RICTOR: variants seen among roughly 807,000 people sequenced by gnomAD.
RICTOR encodes the protein rapamycin-insensitive companion of mTOR.
Under a neutral mutation model 214.9 loss-of-function variants are expected in RICTOR, and 49 were observed. That is an observed-to-expected ratio of 0.23 (90% CI 0.18 to 0.29). RICTOR has a LOEUF of 0.29. Ranked by LOEUF, RICTOR falls within the 10% of genes least tolerant of loss-of-function variation. The probability of loss-of-function intolerance (pLI) is 1.00; values close to 1 mark genes in which losing one functional copy is unlikely to be tolerated. For missense variants in RICTOR, 1,625 were observed against 2,047.0 expected, an observed-to-expected ratio of 0.79 and a Z score of 3.98; for synonymous variants, 717 against 711.3, an observed-to-expected ratio of 1.01 and a Z score of -0.13.
chr5:39,004,435 T>C (rs549857922), intron 3 of RICTOR, among the ~76,000 whole-genome samples: 41 of 151,996 alleles, frequency 2.7e-4, no homozygotes, highest in African/African-American at 8.0e-4. Context: ...TTGACTCTTT[T>C]GAAAGTCATG....
At chr5:39,019,382 G>GA (rs1171777483) in intron 3 of RICTOR, among the ~76,000 whole-genome samples, 3 of 152,076 alleles carry the variant, frequency 2.0e-5, no homozygotes, top group African/African-American at 7.2e-5. Context: ...AGCTTCAAAA[G>GA]ACAGGCTGAC....
At chr5:39,006,152 T>C (rs1376894331) in intron 3 of RICTOR, among the ~76,000 whole-genome samples, 2 of 152,334 alleles carry the variant, frequency 1.3e-5, no homozygotes, top group East Asian at 1.9e-4. Context: ...CATCAGCAAG[T>C]GTCCCCTGGG....
chr5:38,965,063 T>A (rs571498171), intron 15 of RICTOR, among the ~76,000 whole-genome samples, 171 bp from the exon 16 acceptor site: 1 of 152,114 alleles, frequency 6.6e-6, no homozygotes, highest in Admixed American at 6.5e-5. Context: ...TTATCATATC[T>A]ATAATACTTT....
At chr5:39,006,483 C>G (rs1754062126) in intron 3 of RICTOR, among the ~76,000 whole-genome samples, 1 of 151,870 alleles carries the variant, frequency 6.6e-6, no homozygotes, top group African/African-American at 2.4e-5. Context: ...GAAGGGTCTC[C>G]AAAGTGCTAA....
intron 19 of RICTOR, among the ~76,000 whole-genome samples, chr5:38,961,026 A>G (rs1444744200): frequency 1.3e-5 from 2 of 152,128 alleles, no homozygotes; most frequent in East Asian, 3.8e-4. Flanking sequence ...TATTATCTGT[A>G]GAGGCAGTTA....
intron 2 of RICTOR, among the ~76,000 whole-genome samples, chr5:39,061,230 TCTA>T (rs1460134690): frequency 6.7e-6 from 1 of 148,300 alleles, no homozygotes; most frequent in Non-Finnish European, 1.5e-5. Context: ...CCTGATTACA[TCTA>T]CTACTTTTTA....
chr5:39,063,103 ACTCC>A (rs1281915053), intron 2 of RICTOR, among the ~76,000 whole-genome samples: 3 of 152,038 alleles, frequency 2.0e-5, no homozygotes, highest in Non-Finnish European at 4.4e-5. Context: ...GAACATGCAC[ACTCC>A]CTCCATTAAA....
chr5:38,957,697 C>G lies in RICTOR; in HGVS notation c.2454G>C (p.Leu818=). 6.3e-7 allele frequency: 1 copy of G among 1,592,962 alleles called. No homozygotes were observed. The highest frequency in any genetic ancestry group is 1.1e-5 in the South Asian group (1 of 88,226). ...GTTTTGCTACATAACCTCTTTCATT[C>G]AGATAGGAAAATCCTTTTGGAATGG... is the stretch of plus-strand genomic sequence containing the variant. ...FLSIPKGFSY[L]NERGYVAKQL... Residue 818 remains leucine, a synonymous_variant, in exon 25 of 38, where the codon CTG becomes CTC. Transcript: ENST00000357387.
intron 14 of RICTOR, 138 bp from the exon 15 acceptor site, chr5:38,966,859 G>C (rs926090215): frequency 2.7e-5 from 16 of 593,642 alleles, no homozygotes; most frequent in Non-Finnish European, 4.7e-5. Flanking sequence ...GGAATGCAAC[G>C]GCAAGATCTC....
intron 2 of RICTOR, among the ~76,000 whole-genome samples, chr5:39,057,609 G>A (rs966099973): frequency 6.6e-6 from 1 of 151,976 alleles, no homozygotes; most frequent in African/African-American, 2.4e-5. Context: ...TACATTTACT[G>A]CATTATATCA....
chr5:39,010,133 T>A (rs554555175), intron 3 of RICTOR, among the ~76,000 whole-genome samples: 3 of 152,306 alleles, frequency 2.0e-5, no homozygotes, highest in African/African-American at 7.2e-5. Flanking sequence ...GTTCCATCTA[T>A]GACCATATCA....
chr5:39,059,526 G>A (rs1402648248), intron 2 of RICTOR, among the ~76,000 whole-genome samples: 1 of 152,004 alleles, frequency 6.6e-6, no homozygotes, highest in Non-Finnish European at 1.5e-5. Context: ...TTTCAATAAA[G>A]GAAAGTTTTT....
At chr5:39,005,616 T>C (rs1327560744) in intron 3 of RICTOR, among the ~76,000 whole-genome samples, 1 of 152,234 alleles carries the variant, frequency 6.6e-6, no homozygotes, top group African/African-American at 2.4e-5. Flanking sequence ...ACCTGAATGA[T>C]GTGGATCATC....
chr5:38,970,832 C>T (rs1410142378), intron 11 of RICTOR: 1 of 152,018 alleles, frequency 6.6e-6, no homozygotes, highest in Non-Finnish European at 1.5e-5. Context: ...AAACCACCAT[C>T]GTTAAAATAA....
chr5:38,947,394 A>C lies in RICTOR; in HGVS notation c.4184T>G (p.Leu1395Trp). Residue 1395 changes from leucine to tryptophan, a missense_variant, in exon 32 of 38, where the codon TTG (leucine) becomes TGG (tryptophan). Leu to Trp is a moderately conservative substitution (Grantham distance 61). Around this residue, in one of 5 missense-constraint regions of RICTOR, gnomAD observed 1,214 missense variants for 1,470.5 expected, o/e 0.83. Coordinates refer to ENST00000357387, the MANE Select transcript of RICTOR (RefSeq NM_152756.5). The part of the protein sequence containing the change: ...SYASLDKEDL[L>W]SPINQNTLQR... ...CAGGGTATTTTGATTAATAGGACTC[A>C]ATAAATCTTCTTTATCTAATGATGC... 1.2e-6 allele frequency: 2 copies of C among 1,612,086 alleles called. No individual in the cohort carries two copies. The highest frequency in any genetic ancestry group is 1.7e-6 in the Non-Finnish European group (2 of 1,178,312).
chr5:38,952,316 C>T lies in RICTOR; in HGVS notation c.3007G>A (p.Val1003Met). ...AGTTGTTCCACATCATCTGGAACCACTGGCCACAGATGTTTGCGACTATGC... is the reference window on the plus strand; with the variant it reads ...AGTTGTTCCACATCATCTGGAACCATTGGCCACAGATGTTTGCGACTATGC... ...VRHSRKHLWP[V>M]VPDDVEQLCN... is the part of the protein sequence containing the mutation. Residue 1003 changes from valine (V) to methionine (M), a missense_variant, in exon 30 of 38, where the codon GTG (valine) becomes ATG (methionine). Val to Met is a conservative substitution (Grantham distance 21, BLOSUM62 1). Transcript: ENST00000357387. 6.2e-7 allele frequency: 1 copy of T among 1,612,506 alleles called. No homozygotes were observed. Among genetic ancestry groups the T allele is most frequent in the Non-Finnish European group, 8.5e-7 (1 of 1,178,802 alleles).
chr5:38,980,781 G>A (rs903414184), intron 8 of RICTOR: 1 of 152,274 alleles, frequency 6.6e-6, no homozygotes, highest in Non-Finnish European at 1.5e-5. Flanking sequence ...GGGAGGTCCA[G>A]GCTGCAGTGA....
chr5:39,001,554 T>C (rs940160085), intron 5 of RICTOR, among the ~76,000 whole-genome samples: 2 of 152,118 alleles, frequency 1.3e-5, no homozygotes, highest in Non-Finnish European at 1.5e-5. Context: ...TCACTAATTA[T>C]GAACTTTTGT....
Position 38,952,198 on chromosome 5 carries a change from G to A in RICTOR, c.3125C>T (p.Ser1042Leu), listed in dbSNP as rs557642842. The A allele has an allele frequency of 2.2e-5, 35 of 1,578,192 alleles. No individual in the cohort carries two copies. The highest frequency in any genetic ancestry group is 1.7e-4 in the Middle Eastern group (1 of 5,988). The change falls in exon 30 of 38, where the codon TCG (serine) becomes TTG (leucine). Residue 1042 changes from serine to leucine, a missense_variant and splice_region_variant. Ser to Leu is a moderately radical substitution (Grantham distance 145, BLOSUM62 -2). Transcript: ENST00000357387. Reference protein sequence around the residue: ...RHNSESESVPSSMFILEDDRF... With the variant: ...RHNSESESVPLSMFILEDDRF... ...TATGAACCTGTCAGGATACTCACTC[G>A]ATGGCACAGATTCACTTTCACTATT...
Sources: allele counts gnomAD v4.1 joint callset (sites outside exome capture counted in the v4.1 genomes callset), GRCh38; gene constraint gnomAD v4.1.1; regional missense constraint gnomAD v4.1.1; transcripts MANE v1.5; gene names NCBI Gene and HGNC (gene_info 2026-07-23, HGNC 2026-07-21).